Variants in MYO9B observed in about 807,000 individuals in gnomAD.
The protein encoded by MYO9B is unconventional myosin-IXb.
MYO9B carries 71 observed loss-of-function variants against 229.5 expected under a neutral mutation model. The ratio of observed to expected loss-of-function variants is 0.31; its 90% CI spans 0.26 to 0.38. MYO9B has a LOEUF of 0.38. MYO9B is among the 10% of genes least tolerant of loss of function. The pLI, the probability that MYO9B is intolerant of heterozygous loss-of-function variation, is 1.00. For missense variants in MYO9B, 2,255 were observed against 2,920.5 expected (o/e 0.77, Z 5.25); for synonymous variants, 1,185 against 1,235.8 (o/e 0.96, Z 0.86).
intron 38 of MYO9B, 131 bp downstream of exon 38, chr19:17,210,979 T>C: frequency 2.8e-6 from 1 of 360,860 alleles, no homozygotes; most frequent in South Asian, 6.0e-5. Context: ...AAACAACACT[T>C]TTTTTTTTTT....
intron 30 of MYO9B, among the ~76,000 whole-genome samples, chr19:17,204,152 C>T (rs73931844): frequency 0.071 from 10,849 of 151,902 alleles, 424 homozygotes; most frequent in African/African-American, 0.082. Flanking sequence ...GATAAGGATG[C>T]GGGACCCAGG....
intron 2 of MYO9B, among the ~76,000 whole-genome samples, chr19:17,121,618 G>C (rs926908846): frequency 2.0e-5 from 3 of 152,140 alleles, no homozygotes; most frequent in African/African-American, 7.2e-5. Context: ...TGCTGTGGTA[G>C]CTACAGACCC....
At chr19:17,098,032 T>C (rs890406132) in intron 1 of MYO9B, among the ~76,000 whole-genome samples, 6 of 142,330 alleles carry the variant, frequency 4.2e-5, no homozygotes, top group South Asian at 4.5e-4. Context: ...CGAACTCCTC[T>C]TCATCCTTCA....
intron 1 of MYO9B, among the ~76,000 whole-genome samples, chr19:17,094,332 G>C (rs1361390258): frequency 1.3e-5 from 2 of 152,130 alleles, no homozygotes; most frequent in African/African-American, 2.4e-5. Flanking sequence ...ACCACGCTCG[G>C]CCAAGCACCT....
At chr19:17,194,205 A>G (rs1013969736) in intron 21 of MYO9B, among the ~76,000 whole-genome samples, 1 of 152,126 alleles carries the variant, frequency 6.6e-6, no homozygotes, top group Non-Finnish European at 1.5e-5. Context: ...AATAAAAGCA[A>G]AACAAAAAGC....
intron 2 of MYO9B, among the ~76,000 whole-genome samples, chr19:17,112,907 G>A (rs374853880): frequency 6.6e-5 from 10 of 152,340 alleles, no homozygotes; most frequent in African/African-American, 2.4e-4. Flanking sequence ...GAGAGGGGGC[G>A]TGTGGCTCCC....
intron 2 of MYO9B, among the ~76,000 whole-genome samples, chr19:17,114,646 G>C (rs539798388): frequency 1.1e-4 from 17 of 152,236 alleles, no homozygotes; most frequent in African/African-American, 3.6e-4. Context: ...TTTTTGCAAA[G>C]GAATGTAATC....
chr19:17,094,693 G>A (rs1293507739), intron 1 of MYO9B, among the ~76,000 whole-genome samples: 2 of 152,160 alleles, frequency 1.3e-5, no homozygotes, highest in African/African-American at 4.8e-5. Flanking sequence ...TGTAATCCCA[G>A]CACTTTGGGA....
intron 2 of MYO9B, among the ~76,000 whole-genome samples, chr19:17,131,815 C>CA (rs1169672282): frequency 6.6e-6 from 1 of 151,642 alleles, no homozygotes; most frequent in African/African-American, 2.4e-5. Flanking sequence ...GAATTATGAC[C>CA]AATAGCTTTA....
intron 4 of MYO9B, among the ~76,000 whole-genome samples, chr19:17,153,561 T>A (rs2072504405): frequency 6.6e-6 from 1 of 151,088 alleles, no homozygotes; most frequent in Non-Finnish European, 1.5e-5. Flanking sequence ...CTGGGCATGG[T>A]GACACACACC....
intron 11 of MYO9B, among the ~76,000 whole-genome samples, chr19:17,171,376 C>T (rs970843487): frequency 6.6e-6 from 1 of 152,190 alleles, no homozygotes; most frequent in African/African-American, 2.4e-5. Context: ...CTTCATCCTC[C>T]TCTCCTAGCC....
chr19:17,133,901 T>C (rs1370231743), intron 2 of MYO9B, among the ~76,000 whole-genome samples: 2 of 152,114 alleles, frequency 1.3e-5, no homozygotes, highest in Non-Finnish European at 2.9e-5. Flanking sequence ...GCTGAGACTA[T>C]AGGCACCCGC....
chr19:17,161,511 T>G (rs1377005048), intron 8 of MYO9B, among the ~76,000 whole-genome samples: 1 of 151,720 alleles, frequency 6.6e-6, no homozygotes, highest in African/African-American at 2.4e-5. Context: ...AGACCCCGTC[T>G]CCACAATAAA....
chr19:17,125,561 C>T (rs905888822), intron 2 of MYO9B, among the ~76,000 whole-genome samples: 2 of 152,134 alleles, frequency 1.3e-5, no homozygotes, highest in Non-Finnish European at 2.9e-5. Flanking sequence ...GTAGGGTTTG[C>T]TGTGAGACTT....
chr19:17,196,151 T>A (rs898686369), intron 22 of MYO9B, among the ~76,000 whole-genome samples: 1 of 12,672 alleles, frequency 7.9e-5, no homozygotes, highest in Admixed American at 1.1e-3. Flanking sequence ...TGTGGGTGGG[T>A]GGGTGGGTGG....
intron 1 of MYO9B, among the ~76,000 whole-genome samples, chr19:17,094,593 C>T (rs965777741): frequency 1.3e-5 from 2 of 152,178 alleles, no homozygotes; most frequent in Non-Finnish European, 2.9e-5. Flanking sequence ...ACAGTATAGG[C>T]TCTTTTTAAA....
chr19:17,142,099 G>A (rs1178574979), intron 2 of MYO9B, among the ~76,000 whole-genome samples: 1 of 151,652 alleles, frequency 6.6e-6, no homozygotes, highest in Admixed American at 6.6e-5. Flanking sequence ...GATTGCTTGA[G>A]GCCACGAGGT....
intron 1 of MYO9B, among the ~76,000 whole-genome samples, chr19:17,098,530 T>A (rs2057714229): frequency 6.6e-6 from 1 of 152,218 alleles, no homozygotes; most frequent in Non-Finnish European, 1.5e-5. Context: ...CCTCAGCCAT[T>A]CTTGGTTGAC....
chr19:17,135,122 G>A (rs6512171), intron 2 of MYO9B, among the ~76,000 whole-genome samples: 114,549 of 152,132 alleles, frequency 0.75, 44,008 homozygotes, highest in African/African-American at 0.91. Context: ...TGAAATGAAC[G>A]TGAGAATGCA....
Sources: gnomAD v4.1 joint callset for allele counts (sites outside exome capture counted in the v4.1 genomes callset) on GRCh38, gnomAD v4.1.1 for gene constraint, MANE v1.5 for transcripts, NCBI Gene and HGNC (gene_info 2026-07-23, HGNC 2026-07-21) for gene names.